CNTNAP5: variants seen among roughly 807,000 people sequenced by gnomAD.
The protein encoded by CNTNAP5 is contactin-associated protein-like 5.
In CNTNAP5, 72 loss-of-function variants were observed where a neutral mutation model predicts 150.2. The observed-to-expected ratio is 0.48, with a 90% CI of 0.40 to 0.58. CNTNAP5 has a LOEUF of 0.58. CNTNAP5 is among the 20% of genes least tolerant of loss of function. CNTNAP5 has a pLI of 0.00. For synonymous variants in CNTNAP5, 672 were observed against 619.8 expected, an observed-to-expected ratio of 1.08 and a Z score of -1.25; for missense variants, 1,636 against 1,626.2, an observed-to-expected ratio of 1.01 and a Z score of -0.10.
intron 16 of CNTNAP5, among the ~76,000 whole-genome samples, chr2:124,764,514 C>T (rs1681027250): frequency 6.6e-6 from 1 of 152,160 alleles, no homozygotes; most frequent in Non-Finnish European, 1.5e-5. Flanking sequence ...TATTTAGGGT[C>T]TACTTTTTTG....
chr2:124,043,552 C>T (rs1012000587), intron 1 of CNTNAP5, among the ~76,000 whole-genome samples: 20 of 151,980 alleles, frequency 1.3e-4, no homozygotes, highest in Admixed American at 1.2e-3. Flanking sequence ...TGATTCCTTT[C>T]CCTTGGACTT....
intron 13 of CNTNAP5, among the ~76,000 whole-genome samples, chr2:124,660,929 G>GTCTTTT (rs1468589047): frequency 2.2e-5 from 3 of 135,774 alleles, no homozygotes; most frequent in Non-Finnish European, 4.6e-5. Flanking sequence ...GGGCAACAGA[G>GTCTTTT]TGAGACTGGG....
At chr2:124,145,651 G>A (rs1192515079) in intron 1 of CNTNAP5, among the ~76,000 whole-genome samples, 5 of 70,736 alleles carry the variant, frequency 7.1e-5, no homozygotes, top group Admixed American at 1.5e-4. Flanking sequence ...TGGTGGGGTC[G>A]GGGGAGGGGG....
chr2:124,508,357 A>G (rs1386555438), intron 8 of CNTNAP5, among the ~76,000 whole-genome samples: 1 of 152,222 alleles, frequency 6.6e-6, no homozygotes, highest in Non-Finnish European at 1.5e-5. Flanking sequence ...CAAATTATAA[A>G]AATTAAGCCT....
intron 13 of CNTNAP5, among the ~76,000 whole-genome samples, chr2:124,680,392 A>G (rs961764990): frequency 1.3e-5 from 2 of 151,938 alleles, no homozygotes; most frequent in South Asian, 4.1e-4. Flanking sequence ...AAGGAAAGCG[A>G]AGAACAATTG....
intron 6 of CNTNAP5, among the ~76,000 whole-genome samples, chr2:124,467,719 A>T (rs34866066): frequency 4.6e-5 from 7 of 152,272 alleles, no homozygotes; most frequent in African/African-American, 1.2e-4. Flanking sequence ...TCAATAGTCA[A>T]ATTATAACTT....
chr2:124,430,635 G>A (rs1368232629), intron 4 of CNTNAP5, among the ~76,000 whole-genome samples: 3 of 152,190 alleles, frequency 2.0e-5, no homozygotes, highest in Admixed American at 6.5e-5. Flanking sequence ...CAATGCTGAG[G>A]TATGATGTTT....
rs1678754525 is a variant in CNTNAP5, at chr2:124,915,776, T to C, written c.*1488T>C. Among the ~76,000 whole-genome samples the C allele has an allele frequency of 6.6e-6, 1 of 152,008 alleles. No individual in the cohort carries two copies. The highest frequency in any genetic ancestry group is 2.4e-5 in the African/African-American group (1 of 41,426). ...CTCATCCATGGGGTGGCGGTAAAGA[T>C]CTTAATGATTTTTCTGTGGCAATAT... On this transcript the variant is annotated 3_prime_UTR_variant, in exon 24 of 24. Transcript: ENST00000682447.
chr2:124,454,087 A>G (rs971949369), intron 6 of CNTNAP5, among the ~76,000 whole-genome samples: 1 of 152,204 alleles, frequency 6.6e-6, no homozygotes, highest in Admixed American at 6.5e-5. Flanking sequence ...TAAATGCTCC[A>G]CTTAAAAGAT....
intron 19 of CNTNAP5, among the ~76,000 whole-genome samples, chr2:124,816,826 T>C (rs987018067): frequency 6.6e-6 from 1 of 152,188 alleles, no homozygotes; most frequent in Admixed American, 6.5e-5. Context: ...TATGTATGTA[T>C]GGATGAGTCT....
At chr2:124,241,049 A>G (rs979627795) in intron 2 of CNTNAP5, among the ~76,000 whole-genome samples, 14 of 152,184 alleles carry the variant, frequency 9.2e-5, no homozygotes, top group African/African-American at 3.4e-4. Context: ...TGATGTCCTG[A>G]GTTGCTTCTA....
chr2:124,523,820 A>G (rs916249881), intron 8 of CNTNAP5, among the ~76,000 whole-genome samples: 3 of 152,184 alleles, frequency 2.0e-5, no homozygotes, highest in Admixed American at 1.3e-4. Context: ...CTGGCACATC[A>G]TTGGAATCTA....
chr2:124,378,582 C>T (rs1263631598), intron 3 of CNTNAP5, among the ~76,000 whole-genome samples: 1 of 151,432 alleles, frequency 6.6e-6, no homozygotes, highest in Non-Finnish European at 1.5e-5. Context: ...CGTACTTCTT[C>T]AACAAAAGTC....
At chr2:124,679,665 C>T (rs2421094) in intron 13 of CNTNAP5, among the ~76,000 whole-genome samples, 45,201 of 151,216 alleles carry the variant, frequency 0.3, 7,365 homozygotes, top group Non-Finnish European at 0.34. Context: ...GGCTCCCTGG[C>T]TCAAGTTATC....
In CNTNAP5 at chr2:124,308,147, G is replaced by A. The variant is rs74923244; in HGVS notation, c.381+65754G>A. ...GAAGAAATGTTGGGCTTACATGAACGTCTCTTCTCTTTATGGAAAGTTACT... is the reference window on the plus strand; with the variant it reads ...GAAGAAATGTTGGGCTTACATGAACATCTCTTCTCTTTATGGAAAGTTACT... On this transcript the variant is annotated intron_variant, in intron 3 of 23. Coordinates refer to ENST00000682447, the MANE Select transcript of CNTNAP5 (RefSeq NM_001367498.1). Among the ~76,000 whole-genome samples, 5 of 152,268 alleles carry A rather than the reference G, an allele frequency of 3.3e-5. No individual in the cohort carries two copies. The East Asian group carries it at 5.8e-4, about 18-fold the overall frequency.
intron 13 of CNTNAP5, among the ~76,000 whole-genome samples, chr2:124,738,606 C>T (rs764663629): frequency 3.3e-5 from 5 of 152,068 alleles, no homozygotes; most frequent in Non-Finnish European, 7.4e-5. Context: ...CGGCACACGC[C>T]TGTAGTCCCA....
intron 12 of CNTNAP5, among the ~76,000 whole-genome samples, chr2:124,619,367 C>G (rs1224599989): frequency 1.3e-5 from 2 of 152,070 alleles, no homozygotes; most frequent in Non-Finnish European, 2.9e-5. Flanking sequence ...GGAGAAAGAG[C>G]AGGTCACAGT....
intron 3 of CNTNAP5, among the ~76,000 whole-genome samples, chr2:124,394,158 G>A (rs964914885): frequency 3.9e-5 from 6 of 151,996 alleles, no homozygotes; most frequent in Non-Finnish European, 8.8e-5. Context: ...GAACACCTGA[G>A]GTCAGGAGTT....
At chr2:124,698,315 G>C (rs1308179538) in intron 13 of CNTNAP5, among the ~76,000 whole-genome samples, 1 of 151,072 alleles carries the variant, frequency 6.6e-6, no homozygotes, top group Non-Finnish European at 1.5e-5. Flanking sequence ...ATTCTCTGCA[G>C]ATACTCAGAG....
Sources: gnomAD v4.1 joint callset for allele counts (sites outside exome capture counted in the v4.1 genomes callset) on GRCh38, gnomAD v4.1.1 for gene constraint, MANE v1.5 for transcripts, NCBI Gene and HGNC (gene_info 2026-07-23, HGNC 2026-07-21) for gene names.